PHACTR1: variants seen among roughly 807,000 people sequenced by gnomAD.
PHACTR1 encodes the protein phosphatase and actin regulator 1.
In PHACTR1, 16 loss-of-function variants were observed where a neutral mutation model predicts 69.2. The observed-to-expected ratio is 0.23, with a 90% CI of 0.16 to 0.35. PHACTR1 has a LOEUF of 0.35. Among genes scored for constraint, PHACTR1 ranks in the 10% least tolerant of loss-of-function variants. PHACTR1 has a pLI of 1.00. For missense variants in PHACTR1, 510 were observed against 734.7 expected (o/e 0.69, Z 3.54); for synonymous variants, 312 against 284.5 (o/e 1.10, Z -0.97).
intron 7 of PHACTR1, among the ~76,000 whole-genome samples, chr6:13,193,502 T>G (rs899333608): frequency 4.6e-5 from 7 of 150,740 alleles, no homozygotes; most frequent in African/African-American, 1.7e-4. Context: ...TCATCCCACC[T>G]CAGCCTCCCA....
intron 7 of PHACTR1, among the ~76,000 whole-genome samples, chr6:13,196,084 G>T (rs564819683): frequency 5.9e-5 from 9 of 152,078 alleles, no homozygotes; most frequent in Admixed American, 6.5e-5. Flanking sequence ...ATCTCAATCA[G>T]TCTAGCTGCA....
At chr6:13,045,628 A>G (rs988293469) in intron 4 of PHACTR1, among the ~76,000 whole-genome samples, 2 of 152,198 alleles carry the variant, frequency 1.3e-5, no homozygotes, top group African/African-American at 4.8e-5. Context: ...TTGGCTGTCA[A>G]TTCATGCTTC....
chr6:13,033,009 A>G (rs530078557), intron 4 of PHACTR1, among the ~76,000 whole-genome samples: 1 of 152,196 alleles, frequency 6.6e-6, no homozygotes, highest in South Asian at 2.1e-4. Context: ...TTCTGCCTCT[A>G]TTTCTGAAAG....
intron 4 of PHACTR1, among the ~76,000 whole-genome samples, chr6:13,006,479 C>T (rs1485577285): frequency 3.9e-5 from 6 of 152,142 alleles, no homozygotes. Context: ...CATTTAATCT[C>T]ACCGATCTTC....
chr6:12,908,693 A>G (rs1031959340), intron 4 of PHACTR1, among the ~76,000 whole-genome samples: 1 of 152,082 alleles, frequency 6.6e-6, no homozygotes, highest in South Asian at 2.1e-4. Context: ...GTCCTCCACA[A>G]AGAGGGAGCA....
chr6:13,132,633 A>G (rs1820642272), intron 5 of PHACTR1, among the ~76,000 whole-genome samples: 2 of 152,168 alleles, frequency 1.3e-5, no homozygotes, highest in Non-Finnish European at 1.5e-5. Context: ...GGTGTTTCTC[A>G]GTGCATGTAA....
chr6:13,243,035 C>G (rs1232994703), intron 10 of PHACTR1, among the ~76,000 whole-genome samples: 1 of 152,190 alleles, frequency 6.6e-6, no homozygotes, highest in Non-Finnish European at 1.5e-5. Context: ...GCAGATCTCT[C>G]TGTAGCAAAT....
intron 10 of PHACTR1, among the ~76,000 whole-genome samples, chr6:13,257,092 C>T (rs1440400883): frequency 1.3e-5 from 2 of 152,188 alleles, no homozygotes; most frequent in African/African-American, 2.4e-5. Context: ...AGAAACCTAG[C>T]AGCTTCTGCT....
intron 4 of PHACTR1, among the ~76,000 whole-genome samples, chr6:12,976,145 C>G (rs1794854535): frequency 6.6e-6 from 1 of 152,126 alleles, no homozygotes; most frequent in Admixed American, 6.6e-5. Context: ...GACAGCTGGC[C>G]AAGGAATTCT....
At chr6:12,910,953 G>A (rs1786315123) in intron 4 of PHACTR1, among the ~76,000 whole-genome samples, 1 of 152,182 alleles carries the variant, frequency 6.6e-6, no homozygotes, top group Non-Finnish European at 1.5e-5. Flanking sequence ...GGGTGGCAAA[G>A]TGGCATAGGA....
At chr6:13,158,252 A>G (rs1758476511) in intron 5 of PHACTR1, among the ~76,000 whole-genome samples, 1 of 152,124 alleles carries the variant, frequency 6.6e-6, no homozygotes, top group Non-Finnish European at 1.5e-5. Context: ...TCCCTTCTCC[A>G]GCCCTTCCCC....
At chr6:12,825,391 CTTTT>C (rs1776688260) in intron 4 of PHACTR1, among the ~76,000 whole-genome samples, 1 of 151,408 alleles carries the variant, frequency 6.6e-6, no homozygotes, top group Admixed American at 6.6e-5. Flanking sequence ...CTTACTATTT[CTTTT>C]ATTTTTCTGC....
chr6:13,281,868 G>A (rs1475779147), intron 12 of PHACTR1, among the ~76,000 whole-genome samples: 1 of 152,220 alleles, frequency 6.6e-6, no homozygotes, highest in African/African-American at 2.4e-5. Flanking sequence ...TCGTGCCTAA[G>A]AAAGCCAAGG....
chr6:12,769,250 G>C (rs1769071528), intron 4 of PHACTR1, among the ~76,000 whole-genome samples: 1 of 152,204 alleles, frequency 6.6e-6, no homozygotes, highest in South Asian at 2.1e-4. Flanking sequence ...TGTTTAAAGT[G>C]GTGGGTACGG....
chr6:13,082,421 C>G (rs1811545387), intron 5 of PHACTR1, among the ~76,000 whole-genome samples: 2 of 152,168 alleles, frequency 1.3e-5, no homozygotes, highest in Admixed American at 1.3e-4. Context: ...GAATCTGAAA[C>G]AGCTGACCAT....
chr6:13,277,037 A>T (rs1779070206), intron 11 of PHACTR1, among the ~76,000 whole-genome samples: 3 of 152,214 alleles, frequency 2.0e-5, no homozygotes. Flanking sequence ...GCCTTCTTTG[A>T]TACAAGCTGA....
intron 4 of PHACTR1, among the ~76,000 whole-genome samples, chr6:12,823,451 T>A (rs1190384098): frequency 1.3e-5 from 2 of 152,162 alleles, no homozygotes; most frequent in Non-Finnish European, 2.9e-5. Context: ...TCAATAAGAC[T>A]CGTGGAATTT....
At chr6:12,779,568 A>ATTAGT in intron 4 of PHACTR1, among the ~76,000 whole-genome samples, 1 of 152,252 alleles carries the variant, frequency 6.6e-6, no homozygotes, top group East Asian at 1.9e-4. Flanking sequence ...CTTCTAACCC[A>ATTAGT]TTAGTTCCAT....
intron 6 of PHACTR1, among the ~76,000 whole-genome samples, chr6:13,162,865 G>A (rs1274560535): frequency 6.6e-6 from 1 of 152,088 alleles, no homozygotes; most frequent in Non-Finnish European, 1.5e-5. Context: ...ACAGTTAGGA[G>A]TTCCCTGAGA....
Sources: allele counts gnomAD v4.1 joint callset (sites outside exome capture counted in the v4.1 genomes callset), GRCh38; gene constraint gnomAD v4.1.1; transcripts MANE v1.5; gene names NCBI Gene and HGNC (gene_info 2026-07-23, HGNC 2026-07-21).